The following SPAG16 variants were observed in gnomAD, a reference collection of about 807,000 sequenced individuals.
SPAG16 encodes sperm-associated antigen 16 protein.
In SPAG16, 86 loss-of-function variants were observed where a neutral mutation model predicts 80.4. The ratio of observed to expected loss-of-function variants is 1.07; its 90% confidence interval spans 0.90 to 1.28. The LOEUF (loss-of-function observed/expected upper bound fraction) is 1.28. SPAG16 is among the 50% of genes most tolerant of loss of function. SPAG16 has a pLI of 0.00. For missense variants in SPAG16, 870 were observed against 765.3 expected, an observed-to-expected ratio of 1.14 and a Z score of -1.61; for synonymous variants, 294 against 265.9, an observed-to-expected ratio of 1.11 and a Z score of -1.03.
intron 15 of SPAG16, among the ~76,000 whole-genome samples, chr2:214,245,401 C>T (rs1689769349): frequency 1.3e-5 from 2 of 151,904 alleles, no homozygotes; most frequent in Admixed American, 1.3e-4. Context: ...GGGCCTAAGT[C>T]CTGTATCTTA....
intron 10 of SPAG16, among the ~76,000 whole-genome samples, chr2:213,782,527 AG>A (rs2070060342): frequency 6.6e-6 from 1 of 152,222 alleles, no homozygotes; most frequent in Admixed American, 6.5e-5. Flanking sequence ...CCTTTCAAAA[AG>A]AAATTACATA....
At chr2:214,290,742 G>T (rs568095531) in intron 15 of SPAG16, among the ~76,000 whole-genome samples, 98 of 152,178 alleles carry the variant, frequency 6.4e-4, no homozygotes, top group African/African-American at 2.4e-3. Flanking sequence ...CTGAGAATAT[G>T]CTTAGTGTGA....
At chr2:214,080,442 CAAA>C (rs11346646) in intron 13 of SPAG16, among the ~76,000 whole-genome samples, 6 of 136,888 alleles carry the variant, frequency 4.4e-5, no homozygotes, top group African/African-American at 5.4e-5. Flanking sequence ...ACTAAAAATA[CAAA>C]AAAAAAAAAA....
At chr2:214,206,732 C>T (rs72944061) in intron 15 of SPAG16, among the ~76,000 whole-genome samples, 10,260 of 152,174 alleles carry the variant, frequency 0.067, 477 homozygotes, top group Non-Finnish European at 0.095. Context: ...AGTTACATTC[C>T]TACCAAAGGT....
chr2:213,882,705 A>G (rs78484696), intron 11 of SPAG16, among the ~76,000 whole-genome samples: 4,404 of 152,170 alleles, frequency 0.029, 79 homozygotes, highest in South Asian at 0.059. Flanking sequence ...TTGTTAATCT[A>G]GCTAGTGGTC....
Position 213,543,493 on chromosome 2 carries a change from C to T in SPAG16, c.1070+53403C>T, listed in dbSNP as rs78373865. 7.8e-3 allele frequency among the ~76,000 whole-genome samples: 1,190 copies of T among 151,956 alleles called. 15 individuals carry two copies. The highest frequency in any genetic ancestry group is 0.027 in the African/African-American group (1,140 of 41,500). ...AATTTTATTCAGATCTTTCCCCATT[C>T]CTAGGTAAAGAGATACTCTAGTACA... On this transcript the variant is annotated intron_variant, in intron 10 of 15. Coordinates refer to ENST00000331683, the MANE Select transcript of SPAG16 (RefSeq NM_024532.5).
intron 10 of SPAG16, among the ~76,000 whole-genome samples, chr2:213,844,743 C>G (rs1230370474): frequency 6.6e-6 from 1 of 152,102 alleles, no homozygotes; most frequent in Non-Finnish European, 1.5e-5. Context: ...CAGTTTTTTA[C>G]TGTCTTTACC....
chr2:213,544,417 T>G (rs1218136735), intron 10 of SPAG16, among the ~76,000 whole-genome samples: 1 of 151,930 alleles, frequency 6.6e-6, no homozygotes, highest in Non-Finnish European at 1.5e-5. Flanking sequence ...GGTACAGAGA[T>G]TTTTCATATA....
At chr2:213,669,879 G>A (rs1041235123) in intron 10 of SPAG16, among the ~76,000 whole-genome samples, 4 of 152,052 alleles carry the variant, frequency 2.6e-5, no homozygotes, top group Non-Finnish European at 5.9e-5. Context: ...TGAAACTAGA[G>A]AAAAGCTGTT....
At position 213,579,591 on chromosome 2, in the gene SPAG16, A is replaced by G. The variant is rs562802308; in HGVS notation, c.1070+89501A>G. Among the ~76,000 whole-genome samples, 443 of 152,290 alleles carry G rather than the reference A, an allele frequency of 2.9e-3. 6 individuals carry two copies. The highest frequency in any genetic ancestry group is 3.5e-3 in the Non-Finnish European group (241 of 68,010). On this transcript the variant is annotated intron_variant, in intron 10 of 15. Transcript: ENST00000331683. The stretch of plus-strand genomic sequence containing the variant: ...AGGATCCATTAAAAATGATCTCTTC[A>G]TACATATATCTAAATAAAGAAGGAG...
intron 15 of SPAG16, among the ~76,000 whole-genome samples, chr2:214,335,946 A>T (rs1697262702): frequency 6.6e-6 from 1 of 151,766 alleles, no homozygotes; most frequent in Non-Finnish European, 1.5e-5. Flanking sequence ...TTTAGTAGAG[A>T]TGGGGTTTCA....
At chr2:213,669,833 T>C (rs1263278886) in intron 10 of SPAG16, among the ~76,000 whole-genome samples, 1 of 152,146 alleles carries the variant, frequency 6.6e-6, no homozygotes, top group African/African-American at 2.4e-5. Flanking sequence ...TCTCACCTCC[T>C]GCAATAGAAA....
At chr2:214,267,048 A>G (rs1691624615) in intron 15 of SPAG16, among the ~76,000 whole-genome samples, 1 of 151,852 alleles carries the variant, frequency 6.6e-6, no homozygotes. Context: ...TAACTATCAA[A>G]ATTCCAATGT....
At position 213,990,041 on chromosome 2, in the gene SPAG16, T is replaced by C. The variant is rs567834521; in HGVS notation, c.1401-23910T>C. ...TTCCTGAGTGATTTCAGAAAGGATC[T>C]GACATGGGGTGATCTTTATGTCTAC... On this transcript the variant is annotated intron_variant, in intron 12 of 15. Transcript: ENST00000331683. Among the ~76,000 whole-genome samples, 3 of 152,250 alleles carry C rather than the reference T, an allele frequency of 2.0e-5. No homozygotes were observed. The East Asian group carries it at 5.8e-4, about 29-fold the overall frequency.
At chr2:214,210,348 A>T (rs2058258848) in intron 15 of SPAG16, among the ~76,000 whole-genome samples, 1 of 152,158 alleles carries the variant, frequency 6.6e-6, no homozygotes, top group Admixed American at 6.6e-5. Flanking sequence ...AAACTTGCAG[A>T]TGAACCATGT....
At chr2:213,778,547 C>G (rs191810327) in intron 10 of SPAG16, among the ~76,000 whole-genome samples, 111 of 152,246 alleles carry the variant, frequency 7.3e-4, no homozygotes, top group African/African-American at 2.5e-3. Flanking sequence ...TCAAATAACT[C>G]TATCCTAGGT....
intron 10 of SPAG16, among the ~76,000 whole-genome samples, chr2:213,718,811 G>A (rs368583062): frequency 5.9e-5 from 9 of 152,140 alleles, no homozygotes; most frequent in Admixed American, 3.3e-4. Context: ...AAGCCTCCCC[G>A]ACGAGCACCA....
intron 9 of SPAG16, among the ~76,000 whole-genome samples, chr2:213,411,260 C>T (rs933815892): frequency 1.1e-4 from 17 of 152,160 alleles, no homozygotes; most frequent in South Asian, 2.1e-4. Context: ...TCTATTTAAA[C>T]GCAACTGGAG....
chr2:213,356,385 A>G (rs1027110383), intron 7 of SPAG16, among the ~76,000 whole-genome samples: 4 of 151,948 alleles, frequency 2.6e-5, no homozygotes, highest in Non-Finnish European at 4.4e-5. Flanking sequence ...CTTGGACTTT[A>G]TTTGGTTGGT....
Sources: gnomAD v4.1 joint callset for allele counts (sites outside exome capture counted in the v4.1 genomes callset) on GRCh38, gnomAD v4.1.1 for gene constraint, MANE v1.5 for transcripts, NCBI Gene and HGNC (gene_info 2026-07-23, HGNC 2026-07-21) for gene names.